NRG3: variants seen among roughly 807,000 people sequenced by gnomAD.
The protein encoded by NRG3 is pro-neuregulin-3, membrane-bound isoform.
NRG3 carries 31 observed loss-of-function variants against 66.9 expected under a neutral mutation model. The ratio of observed to expected loss-of-function variants is 0.46; its 90% confidence interval spans 0.35 to 0.63. The LOEUF (loss-of-function observed/expected upper bound fraction) is 0.63, where lower values mean the gene tolerates loss of function less well. Ranked by LOEUF, NRG3 falls within the 20% of genes least tolerant of loss-of-function variation. NRG3 has a pLI of 0.00. For synonymous variants in NRG3, 393 were observed against 359.4 expected, an observed-to-expected ratio of 1.09 and a Z score of -1.06; for missense variants, 910 against 878.9, an observed-to-expected ratio of 1.04 and a Z score of -0.45.
chr10:82,342,619 T>A (rs1202525085), intron 1 of NRG3, among the ~76,000 whole-genome samples: 2 of 152,060 alleles, frequency 1.3e-5, no homozygotes, highest in African/African-American at 4.8e-5. Flanking sequence ...ATAGAGTTAT[T>A]TATTTTTCTT....
At chr10:82,058,067 A>G (rs2063943840) in intron 1 of NRG3, among the ~76,000 whole-genome samples, 1 of 150,090 alleles carries the variant, frequency 6.7e-6, no homozygotes, top group African/African-American at 2.5e-5. Flanking sequence ...TTGATATGTT[A>G]TATTATTAAT....
At position 81,956,992 on chromosome 10, in the gene NRG3, C is replaced by T. The variant is rs532874969; in HGVS notation, c.823+80829C>T. Reference sequence around the variant, plus strand: ...CAGAATACATGCCTGTCTTCCATAGCTGTGGGATTGCTCCTGGGTCTGCAA... The same window carrying T: ...CAGAATACATGCCTGTCTTCCATAGTTGTGGGATTGCTCCTGGGTCTGCAA... On this transcript the variant is annotated intron_variant, in intron 1 of 8. Transcript: ENST00000372141. Among the ~76,000 whole-genome samples, 7 of 152,324 alleles carry T rather than the reference C, an allele frequency of 4.6e-5. No homozygotes were observed. In the South Asian group the frequency reaches 1.4e-3, roughly 32 times the overall value.
At chr10:82,228,526 T>G (rs547664144) in intron 1 of NRG3, among the ~76,000 whole-genome samples, 2 of 151,620 alleles carry the variant, frequency 1.3e-5, no homozygotes, top group East Asian at 3.9e-4. Flanking sequence ...CCCAGGACTT[T>G]TTTCATTTTT....
rs1590685017 is a variant in NRG3 at position 82,563,593 on chromosome 10, C to A, written c.954-174984C>A. On this transcript the variant is annotated intron_variant, in intron 2 of 8. Transcript: ENST00000372141. ...TTTATTATTTTATTTTCTTTAAATA[C>A]AATATGTCACATACTTATATATGTG... Among the ~76,000 whole-genome samples, 9 of 151,772 alleles carry A rather than the reference C, an allele frequency of 5.9e-5. 1 individual carries two copies. Among genetic ancestry groups the A allele is most frequent in the African/African-American group, 2.2e-4 (9 of 41,460 alleles).
intron 1 of NRG3, among the ~76,000 whole-genome samples, chr10:81,905,060 C>A (rs996399): frequency 0.031 from 4,725 of 152,200 alleles, 270 homozygotes; most frequent in African/African-American, 0.11. Flanking sequence ...CTCCTCCTCC[C>A]GGCTTCATAT....
chr10:82,148,508 AT>A (rs1213856483), intron 1 of NRG3, among the ~76,000 whole-genome samples: 2 of 150,902 alleles, frequency 1.3e-5, no homozygotes, highest in East Asian at 2.0e-4. Flanking sequence ...ATCTTGTCTT[AT>A]TTTTTTTTCC....
At chr10:82,040,594 A>G (rs2062989093) in intron 1 of NRG3, among the ~76,000 whole-genome samples, 1 of 152,030 alleles carries the variant, frequency 6.6e-6, no homozygotes. Context: ...TGGCGGATAG[A>G]AACTGCAGTG....
intron 1 of NRG3, chr10:81,877,656 G>GA: frequency 2.4e-6 from 3 of 1,243,482 alleles, no homozygotes; most frequent in Non-Finnish European, 3.0e-6. Context: ...CTTTGCTTTG[G>GA]AAAAAACCGT....
chr10:81,888,464 A>T (rs1161628429), intron 1 of NRG3, among the ~76,000 whole-genome samples: 1 of 152,188 alleles, frequency 6.6e-6, no homozygotes, highest in Non-Finnish European at 1.5e-5. Context: ...TTTGTTGAGA[A>T]GATCAGAAGA....
At chr10:82,795,364 TTA>T (rs1440787751) in intron 3 of NRG3, among the ~76,000 whole-genome samples, 3 of 152,220 alleles carry the variant, frequency 2.0e-5, no homozygotes, top group Non-Finnish European at 2.9e-5. Context: ...AGGATATGTG[TTA>T]CAGAGCTAAT....
At chr10:82,095,022 T>A (rs548563367) in intron 1 of NRG3, among the ~76,000 whole-genome samples, 1 of 152,274 alleles carries the variant, frequency 6.6e-6, no homozygotes, top group Non-Finnish European at 1.5e-5. Context: ...TTGTGCCCCA[T>A]AAATTTATAC....
intron 1 of NRG3, among the ~76,000 whole-genome samples, chr10:82,104,725 T>C (rs1304601140): frequency 6.6e-6 from 1 of 151,784 alleles, no homozygotes; most frequent in African/African-American, 2.4e-5. Context: ...ACGATTGCAA[T>C]TTAAAAAATA....
intron 1 of NRG3, among the ~76,000 whole-genome samples, chr10:82,220,491 G>C (rs927854839): frequency 2.0e-5 from 3 of 152,130 alleles, no homozygotes; most frequent in Admixed American, 6.5e-5. Context: ...TGTGTTAGGG[G>C]GATCCTACAG....
chr10:82,384,671 G>A (rs974190631), intron 2 of NRG3, among the ~76,000 whole-genome samples: 2 of 152,044 alleles, frequency 1.3e-5, no homozygotes, highest in African/African-American at 2.4e-5. Flanking sequence ...TCTTTATATA[G>A]TCTATCATTG....
intron 1 of NRG3, among the ~76,000 whole-genome samples, chr10:82,065,120 G>A (rs2064377170): frequency 6.6e-6 from 1 of 152,014 alleles, no homozygotes; most frequent in South Asian, 2.1e-4. Context: ...GATTTTCAAG[G>A]CCTTTAAAAC....
At chr10:82,710,305 G>T (rs143733353) in intron 2 of NRG3, among the ~76,000 whole-genome samples, 2 of 152,146 alleles carry the variant, frequency 1.3e-5, no homozygotes, top group Non-Finnish European at 1.5e-5. Context: ...TTGATTTCTG[G>T]CTGGGCTCAG....
intron 2 of NRG3, among the ~76,000 whole-genome samples, chr10:82,408,281 A>G (rs1179693037): frequency 6.6e-6 from 1 of 152,146 alleles, no homozygotes; most frequent in Middle Eastern, 3.2e-3. Context: ...AAGAGTATAC[A>G]TCGTGTAATC....
chr10:82,706,510 G>C (rs926697678), intron 2 of NRG3, among the ~76,000 whole-genome samples: 1 of 152,004 alleles, frequency 6.6e-6, no homozygotes, highest in Non-Finnish European at 1.5e-5. Context: ...TAAATCTTGT[G>C]AGTCTCCATC....
chr10:82,451,652 A>G (rs918071176), intron 2 of NRG3, among the ~76,000 whole-genome samples: 1 of 152,112 alleles, frequency 6.6e-6, no homozygotes, highest in African/African-American at 2.4e-5. Flanking sequence ...AGCGACTGAA[A>G]AATCTTAACA....
Sources: gnomAD v4.1 joint callset for allele counts (sites outside exome capture counted in the v4.1 genomes callset) on GRCh38, gnomAD v4.1.1 for gene constraint, MANE v1.5 for transcripts, NCBI Gene and HGNC (gene_info 2026-07-23, HGNC 2026-07-21) for gene names.